The following CLNK variants were observed in gnomAD, a reference collection of about 807,000 sequenced individuals.
CLNK encodes the protein cytokine dependent hematopoietic cell linker.
Under a neutral mutation model 68.6 loss-of-function variants are expected in CLNK, and 74 were observed. That is an observed-to-expected ratio of 1.08 (90% CI 0.89 to 1.31). The LOEUF (loss-of-function observed/expected upper bound fraction) is 1.31, where lower values mean the gene tolerates loss of function less well. Among genes scored for constraint, CLNK ranks in the 50% most tolerant of loss-of-function variants. The probability of loss-of-function intolerance (pLI) is 0.00; values close to 1 mark genes in which losing one functional copy is unlikely to be tolerated. For synonymous variants in CLNK, 198 were observed against 172.2 expected, an observed-to-expected ratio of 1.15 and a Z score of -1.17; for missense variants, 553 against 515.3, an observed-to-expected ratio of 1.07 and a Z score of -0.71.
At chr4:10,556,131 T>C (rs936662294) in intron 8 of CLNK, among the ~76,000 whole-genome samples, 3 of 152,176 alleles carry the variant, frequency 2.0e-5, no homozygotes, top group African/African-American at 7.2e-5. Flanking sequence ...ATGGGACCCA[T>C]ATATCAGCCA....
the CLNK span, among the ~76,000 whole-genome samples, chr4:10,698,931 C>T: frequency 6.6e-6 from 1 of 152,092 alleles, no homozygotes; most frequent in Non-Finnish European, 1.5e-5. Flanking sequence ...CTCTTTTTGT[C>T]ATGGCGGCTT....
intron 2 of CLNK, among the ~76,000 whole-genome samples, chr4:10,616,016 G>A (rs1722213180): frequency 6.6e-6 from 1 of 152,160 alleles, no homozygotes; most frequent in African/African-American, 2.4e-5. Flanking sequence ...TTGTTAAACA[G>A]TCATTATTAA....
chr4:10,700,002 A>ATGTGTGTG, the CLNK span, among the ~76,000 whole-genome samples: 29 of 39,834 alleles, frequency 7.3e-4, no homozygotes, highest in South Asian at 2.8e-3. Flanking sequence ...CTGTGTGTGC[A>ATGTGTGTG]TATGTGTGTG....
intron 2 of CLNK, among the ~76,000 whole-genome samples, chr4:10,655,906 C>T (rs1723959840): frequency 2.0e-5 from 3 of 152,012 alleles, no homozygotes; most frequent in Non-Finnish European, 4.4e-5. Flanking sequence ...GCTTTGGCCT[C>T]CCAAAGTGCT....
At chr4:10,709,164 C>G in the CLNK span, among the ~76,000 whole-genome samples, 1 of 152,176 alleles carries the variant, frequency 6.6e-6, no homozygotes, top group Non-Finnish European at 1.5e-5. Context: ...CTTATACTGA[C>G]TCTATGTTCT....
intron 15 of CLNK, among the ~76,000 whole-genome samples, chr4:10,514,256 CATT>C (rs1364648739): frequency 6.8e-6 from 1 of 147,958 alleles, no homozygotes; most frequent in Non-Finnish European, 1.5e-5. Context: ...TCCAGTCTAT[CATT>C]GTTGGACATT....
intron 2 of CLNK, among the ~76,000 whole-genome samples, chr4:10,610,033 G>GTTTTTTTTTTTTT (rs71181047): frequency 1.4e-5 from 1 of 73,426 alleles, no homozygotes. Flanking sequence ...ATGAATGCTC[G>GTTTTTTTTTTTTT]TTTTTTTTTT....
chr4:10,702,655 C>T, the CLNK span, among the ~76,000 whole-genome samples: 2 of 152,196 alleles, frequency 1.3e-5, no homozygotes, highest in Non-Finnish European at 2.9e-5. Context: ...AGTCCAAGTC[C>T]TCCAGATGCC....
At chr4:10,530,717 G>A (rs1205374667) in intron 12 of CLNK, among the ~76,000 whole-genome samples, 1 of 152,128 alleles carries the variant, frequency 6.6e-6, no homozygotes, top group South Asian at 2.1e-4. Flanking sequence ...CATCGTCATC[G>A]TGAGCAGCAC....
At chr4:10,615,566 A>C (rs1283063602) in intron 2 of CLNK, among the ~76,000 whole-genome samples, 2 of 152,120 alleles carry the variant, frequency 1.3e-5, no homozygotes, top group Non-Finnish European at 2.9e-5. Context: ...AAAAAATGAA[A>C]AAGAAGAGCA....
intron 3 of CLNK, among the ~76,000 whole-genome samples, chr4:10,586,813 G>T (rs1340472150): frequency 6.6e-6 from 1 of 152,114 alleles, no homozygotes; most frequent in Non-Finnish European, 1.5e-5. Context: ...CTTATAACCA[G>T]TTTGCCTACA....
rs1218121316 is a variant in CLNK at position 10,489,569 on chromosome 4, G to A, written c.*898C>T. 2 of 151,912 alleles carry A rather than the reference G, an allele frequency of 1.3e-5. No individual in the cohort carries two copies. Among genetic ancestry groups the A allele is most frequent in the Non-Finnish European group, 2.9e-5 (2 of 68,000 alleles). 9.4% of individuals were successfully genotyped at this position (151,912 alleles called of 1,614,324 possible). On this transcript the variant is annotated 3_prime_UTR_variant, in exon 19 of 19. Coordinates refer to ENST00000226951, the MANE Select transcript of CLNK (RefSeq NM_052964.4). ...AGGATTTTCAGTTTCTGTCTTCAAG[G>A]TGACATTCACAATTGCTGGTTTTCC...
At chr4:10,654,846 T>C (rs1723899473) in intron 2 of CLNK, among the ~76,000 whole-genome samples, 1 of 152,084 alleles carries the variant, frequency 6.6e-6, no homozygotes, top group South Asian at 2.1e-4. Flanking sequence ...CTCATGCCTG[T>C]AATCCCAGCG....
chr4:10,720,281 A>C, the CLNK span, among the ~76,000 whole-genome samples: 3 of 152,182 alleles, frequency 2.0e-5, no homozygotes, highest in Admixed American at 6.5e-5. Flanking sequence ...AAGATCAATA[A>C]AATTTACAAG....
the CLNK span, among the ~76,000 whole-genome samples, chr4:10,694,298 C>T: frequency 2.0e-5 from 3 of 151,718 alleles, no homozygotes. Flanking sequence ...CACCTTTAGA[C>T]ACCTTGAGCC....
chr4:10,592,695 GT>G (rs1553854584), intron 3 of CLNK, among the ~76,000 whole-genome samples: 1 of 139,322 alleles, frequency 7.2e-6, no homozygotes, highest in African/African-American at 2.7e-5. Flanking sequence ...TCTACTTGTT[GT>G]TTGTTTGTTT....
intron 12 of CLNK, among the ~76,000 whole-genome samples, chr4:10,528,928 G>A (rs1718427245): frequency 6.6e-6 from 1 of 152,008 alleles, no homozygotes. Context: ...TCCTTATGGT[G>A]GTAGAATTCT....
rs770048541 is a variant in CLNK, at chr4:10,587,016, G to A, written c.84-2061C>T. On this transcript the variant is annotated intron_variant, in intron 3 of 18. Coordinates refer to ENST00000226951, the MANE Select transcript of CLNK (RefSeq NM_052964.4). ...CTGTTGCCCAGGCTGGAGGGCAATG[G>A]TGCAATCTTGGAATCTTGGCTCACT... Among the ~76,000 whole-genome samples the A allele has an allele frequency of 3.6e-4, 54 of 151,772 alleles. 1 individual carries two copies. Among genetic ancestry groups the A allele is most frequent in the Non-Finnish European group, 8.8e-5 (6 of 67,954 alleles).
intron 12 of CLNK, among the ~76,000 whole-genome samples, chr4:10,531,911 A>G (rs77796046): frequency 0.034 from 5,187 of 152,320 alleles, 115 homozygotes; most frequent in Admixed American, 0.055. Flanking sequence ...AAGGACAAAT[A>G]GCAAAGTGCA....
Sources: gnomAD v4.1 joint callset for allele counts (sites outside exome capture counted in the v4.1 genomes callset) on GRCh38, gnomAD v4.1.1 for gene constraint, MANE v1.5 for transcripts, NCBI Gene and HGNC (gene_info 2026-07-23, HGNC 2026-07-21) for gene names.